PKP2: variants seen among roughly 807,000 people sequenced by gnomAD.
PKP2 encodes the protein plakophilin-2.
Under a neutral mutation model 83.4 loss-of-function variants are expected in PKP2, and 73 were observed. The ratio of observed to expected loss-of-function variants is 0.88; its 90% CI spans 0.72 to 1.06. The LOEUF is 1.06. Among genes scored for constraint, PKP2 ranks in the 50% least tolerant of loss-of-function variants. PKP2 has a pLI of 0.00. For synonymous variants in PKP2, 409 were observed against 430.4 expected (o/e 0.95, Z 0.62); for missense variants, 966 against 1,065.4 (o/e 0.91, Z 1.30).
chr12:32,807,318 A>C (rs578199844), intron 9 of PKP2, among the ~76,000 whole-genome samples: 1 of 152,228 alleles, frequency 6.6e-6, no homozygotes, highest in African/African-American at 2.4e-5. Context: ...TTGCTGGTGT[A>C]AAGTCTGTTT....
chr12:32,796,826 A>G (rs910606628), intron 10 of PKP2, among the ~76,000 whole-genome samples: 3 of 152,252 alleles, frequency 2.0e-5, no homozygotes, highest in Admixed American at 2.0e-4. Context: ...AAATCTTTTC[A>G]GAGTGTAATT....
intron 1 of PKP2, among the ~76,000 whole-genome samples, chr12:32,882,315 A>T (rs984416450): frequency 6.6e-5 from 10 of 152,136 alleles, no homozygotes; most frequent in African/African-American, 2.2e-4. Flanking sequence ...GTTACTCTAT[A>T]ATAAAACGGC....
chr12:32,831,413 G>A (rs1210833635), intron 6 of PKP2, among the ~76,000 whole-genome samples: 8 of 152,138 alleles, frequency 5.3e-5, no homozygotes, highest in African/African-American at 1.7e-4. Context: ...ACAAAATACA[G>A]TTCATAAAAC....
chr12:32,818,902 G>A (rs2137764930), intron 9 of PKP2, among the ~76,000 whole-genome samples: 1 of 152,166 alleles, frequency 6.6e-6, no homozygotes, highest in East Asian at 1.9e-4. Flanking sequence ...CTTTATCACA[G>A]CATCTAAGCA....
chr12:32,873,289 G>A (rs1217569447), intron 3 of PKP2, among the ~76,000 whole-genome samples: 1 of 151,838 alleles, frequency 6.6e-6, no homozygotes, highest in Non-Finnish European at 1.5e-5. Flanking sequence ...GTAGAAGTGG[G>A]GTTTTGCCAT....
At chr12:32,878,612 C>T in intron 2 of PKP2, 69 bp from the exon 3 acceptor site, 1 of 1,230,696 alleles carries the variant, frequency 8.1e-7, no homozygotes, top group Non-Finnish European at 1.2e-6. Flanking sequence ...GGACTAATTA[C>T]TCTGGGACTA....
chr12:32,841,302 T>C, intron 5 of PKP2, 97 bp from the exon 6 acceptor site: 1 of 1,014,532 alleles, frequency 9.9e-7, no homozygotes, highest in East Asian at 2.4e-5. Flanking sequence ...GGGCTATGAC[T>C]AGTCATAAAA....
At position 32,877,951 on chromosome 12, in the gene PKP2, A is replaced by ACGG. The variant is rs869025497; in HGVS notation, c.926_928dup (p.Ala309dup). 1 of 1,614,120 alleles carries ACGG rather than the reference A, an allele frequency of 6.2e-7. No homozygotes were observed. The highest frequency in any genetic ancestry group is 8.5e-7 in the Non-Finnish European group (1 of 1,180,018). ...GTGCGCTCTCCTCCCGCTGGAATCC[A>ACGG]CGGCGACACTGGGCCCAGCTTCCCT... On this transcript the variant is annotated inframe_insertion, in exon 3 of 13. Transcript: ENST00000340811.
chr12:32,796,040 C>T lies in PKP2; in HGVS notation c.2357+69G>A, dbSNP rs1956117895. On this transcript the variant is annotated intron_variant, in intron 11 of 12. Coordinates refer to ENST00000340811, the MANE Select transcript of PKP2 (RefSeq NM_001005242.3). ...GATGGTCATGACCGCACATTCACAA[C>T]CGGATTATTTACACACAGGCTGGTG... 1.0e-5 allele frequency: 14 copies of T among 1,368,034 alleles called. No homozygotes were observed. The South Asian group carries it at 1.4e-4, about 14-fold the overall frequency. The allele number at this position is 1,368,034 out of a possible 1,614,324, so 84.7% of individuals were successfully genotyped here. A position where few individuals can be genotyped will look rare whatever the true frequency, so the allele number is the denominator to read the frequency against.
chr12:32,886,260 C>G (rs1957029197), intron 1 of PKP2, among the ~76,000 whole-genome samples: 1 of 152,206 alleles, frequency 6.6e-6, no homozygotes, highest in Non-Finnish European at 1.5e-5. Context: ...CTTGCAACAG[C>G]TCTCGTTCTC....
chr12:32,809,993 A>G (rs1459624474), intron 9 of PKP2, among the ~76,000 whole-genome samples: 1 of 152,230 alleles, frequency 6.6e-6, no homozygotes, highest in Non-Finnish European at 1.5e-5. Flanking sequence ...TGTGGACTGC[A>G]GCTGCTTCTA....
intron 9 of PKP2, among the ~76,000 whole-genome samples, chr12:32,803,593 C>G (rs1322002398): frequency 6.6e-6 from 1 of 152,096 alleles, no homozygotes; most frequent in East Asian, 1.9e-4. Context: ...TACAAGTAAT[C>G]TCTTCTTTTG....
In PKP2 at chr12:32,821,518, G is replaced by C; in HGVS notation, c.1851C>G (p.Asp617Glu). ...RSRKVKEQYQ[D>E]VPMPEEKSNP... is the part of the protein sequence containing the mutation. ...TGCTCTTTTCCTCCGGCATCGGCAC[G>C]TCCTGGTATTGCTGACCACACACAA... is the stretch of plus-strand genomic sequence containing the variant. The change falls in exon 9 of 13, where the codon GAC becomes GAG. Residue 617 changes from aspartate (D) to glutamate (E), a missense_variant. By Grantham distance (45) the Asp-to-Glu change is conservative (BLOSUM62 2). Transcript: ENST00000340811. The C allele has an allele frequency of 6.2e-7, 1 of 1,613,948 alleles. No individual in the cohort carries two copies. The highest frequency in any genetic ancestry group is 1.1e-5 in the South Asian group (1 of 91,074).
chr12:32,851,057 T>C lies in PKP2; in HGVS notation c.1171-84A>G, dbSNP rs1956692837. 9.0e-6 allele frequency: 10 copies of C among 1,108,384 alleles called. No homozygotes were observed. The South Asian group carries it at 1.3e-4, about 14-fold the overall frequency. 68.7% of individuals were successfully genotyped at this position (1,108,384 alleles called of 1,614,324 possible). ...CAATGTAATACAAACAGATGAAGTT[T>C]ACTGATGCTGACTATAACCTTTCTT... On this transcript the variant is annotated intron_variant, in intron 4 of 12. Transcript: ENST00000340811.
intron 7 of PKP2, among the ~76,000 whole-genome samples, chr12:32,823,604 A>G (rs1956404410): frequency 9.3e-6 from 1 of 108,050 alleles, no homozygotes; most frequent in Admixed American, 9.9e-5. Context: ...ATAGGTTTTA[A>G]TATTTCTTTT....
chr12:32,814,465 C>T (rs984952794), intron 9 of PKP2, among the ~76,000 whole-genome samples: 6 of 152,244 alleles, frequency 3.9e-5, no homozygotes, highest in South Asian at 4.1e-4. Context: ...CATAGTTTCC[C>T]GTTCTCCCTG....
chr12:32,812,077 GA>G (rs1406013522), intron 9 of PKP2, among the ~76,000 whole-genome samples: 2 of 150,090 alleles, frequency 1.3e-5, no homozygotes, highest in African/African-American at 4.9e-5. Context: ...GGTGTATGTG[GA>G]AAAGATATAT....
chr12:32,825,019 A>AT (rs1020875410), intron 6 of PKP2, among the ~76,000 whole-genome samples: 16 of 151,506 alleles, frequency 1.1e-4, no homozygotes, highest in East Asian at 1.9e-4. Context: ...TTAAAAAAAT[A>AT]TTTTTTTTTC....
chr12:32,830,634 C>T (rs1203651432), intron 6 of PKP2, among the ~76,000 whole-genome samples: 2 of 152,112 alleles, frequency 1.3e-5, no homozygotes, highest in African/African-American at 4.8e-5. Flanking sequence ...TGGCCAGGCA[C>T]GGTGGCTCAT....
Sources: gnomAD v4.1 joint callset for allele counts (sites outside exome capture counted in the v4.1 genomes callset) on GRCh38, gnomAD v4.1.1 for gene constraint, MANE v1.5 for transcripts, NCBI Gene and HGNC (gene_info 2026-07-23, HGNC 2026-07-21) for gene names.